Variants in TRAF3 observed in about 807,000 individuals in gnomAD.
TRAF3 encodes the protein TNF receptor associated factor 3.
TRAF3 carries 13 observed loss-of-function variants against 62.3 expected under a neutral mutation model. That is an observed-to-expected ratio of 0.21 (90% CI 0.14 to 0.33). The LOEUF (loss-of-function observed/expected upper bound fraction) is 0.33. TRAF3 is among the 10% of genes least tolerant of loss of function. TRAF3 has a pLI of 1.00. For synonymous variants in TRAF3, 269 were observed against 283.4 expected (o/e 0.95, Z 0.51); for missense variants, 440 against 741.8 (o/e 0.59, Z 4.73).
intron 2 of TRAF3, among the ~76,000 whole-genome samples, chr14:102,864,831 T>G (rs1019180124): frequency 2.6e-5 from 4 of 152,170 alleles, no homozygotes; most frequent in African/African-American, 9.7e-5. Flanking sequence ...TGGGGCAGAT[T>G]CGCCTCCGTG....
chr14:102,889,071 T>C (rs1889563864), intron 7 of TRAF3, among the ~76,000 whole-genome samples: 1 of 152,240 alleles, frequency 6.6e-6, no homozygotes, highest in Admixed American at 6.5e-5. Context: ...GAAAAACTCA[T>C]CTGCACTTAT....
chr14:102,800,055 C>T (rs1178214371), intron 1 of TRAF3, among the ~76,000 whole-genome samples: 1 of 152,284 alleles, frequency 6.6e-6, no homozygotes, highest in Non-Finnish European at 1.5e-5. Context: ...GGGCTGCCTT[C>T]TCAGAGCCCT....
At chr14:102,805,456 CG>C (rs1270061306) in intron 1 of TRAF3, among the ~76,000 whole-genome samples, 2 of 152,146 alleles carry the variant, frequency 1.3e-5, no homozygotes, top group Non-Finnish European at 2.9e-5. Context: ...TCACTGCCCT[CG>C]GTGAGTGGAT....
At chr14:102,866,452 C>T (rs1193986859) in intron 2 of TRAF3, among the ~76,000 whole-genome samples, 1 of 152,134 alleles carries the variant, frequency 6.6e-6, no homozygotes, top group African/African-American at 2.4e-5. Context: ...AGGGAAAAGA[C>T]ATCTGTAATA....
At chr14:102,788,162 A>G (rs1442982982) in intron 1 of TRAF3, among the ~76,000 whole-genome samples, 2 of 151,866 alleles carry the variant, frequency 1.3e-5, no homozygotes, top group South Asian at 2.1e-4. Context: ...GCCTGCAGAG[A>G]ATGTATTTCT....
rs376141594 is a variant in TRAF3 at position 102,905,262 on chromosome 14, C to T, written c.1185C>T (p.His395=). The change falls in exon 12 of 12, where the codon CAC becomes CAT. Residue 395 remains histidine (H), a synonymous_variant. Coordinates refer to ENST00000392745, the MANE Select transcript of TRAF3 (RefSeq NM_145725.3). ...LSRHDQMLSV[H]DIRLADMDLR... is the part of the protein sequence containing the mutation. Reference sequence around the variant, plus strand: ...GGCATGACCAGATGCTGAGTGTGCACGACATCCGCCTAGCCGACATGGACC... The same window carrying T: ...GGCATGACCAGATGCTGAGTGTGCATGACATCCGCCTAGCCGACATGGACC... 8.1e-6 allele frequency: 13 copies of T among 1,614,044 alleles called. No individual in the cohort carries two copies. The highest frequency in any genetic ancestry group is 7.7e-5 in the South Asian group (7 of 91,086).
intron 1 of TRAF3, among the ~76,000 whole-genome samples, chr14:102,808,847 A>G (rs1409203208): frequency 6.6e-6 from 1 of 151,422 alleles, no homozygotes; most frequent in African/African-American, 2.4e-5. Context: ...AGACAGTCTT[A>G]CGCTGTTGCC....
Position 102,870,340 on chromosome 14 carries a change from G to T in TRAF3, c.139G>T (p.Val47Leu). The change falls in exon 3 of 12, where the codon GTG becomes TTG. Residue 47 changes from valine to leucine, a missense_variant. Val to Leu is a conservative substitution (Grantham distance 32). Coordinates refer to ENST00000392745, the MANE Select transcript of TRAF3 (RefSeq NM_145725.3). ...GGYKEKFVKTVEDKYKCEKCH... is the reference protein window; with the variant it reads ...GGYKEKFVKTLEDKYKCEKCH... ...TTACAAGGAAAAGTTTGTGAAGACC[G>T]TGGAGGACAAGTACAAGTGTGAGAA... 1.2e-6 allele frequency: 2 copies of T among 1,614,210 alleles called. No individual in the cohort carries two copies. The highest frequency in any genetic ancestry group is 1.7e-6 in the Non-Finnish European group (2 of 1,180,036).
intron 7 of TRAF3, among the ~76,000 whole-genome samples, chr14:102,889,191 AT>A (rs1566799970): frequency 6.6e-6 from 1 of 152,008 alleles, no homozygotes; most frequent in African/African-American, 2.4e-5. Context: ...AATGCTTTCT[AT>A]TTTTTTGTGT....
intron 1 of TRAF3, among the ~76,000 whole-genome samples, chr14:102,814,765 C>T (rs1595316171): frequency 6.6e-6 from 1 of 152,160 alleles, no homozygotes; most frequent in African/African-American, 2.4e-5. Context: ...TCAAGCGGTC[C>T]ACCCACCTCA....
intron 1 of TRAF3, among the ~76,000 whole-genome samples, chr14:102,818,473 G>A (rs536534361): frequency 1.5e-3 from 232 of 152,306 alleles, no homozygotes; most frequent in African/African-American, 5.5e-3. Context: ...AGATCAGGTG[G>A]CTGAGGCCTG....
At chr14:102,803,926 A>G (rs1410744978) in intron 1 of TRAF3, among the ~76,000 whole-genome samples, 1 of 152,186 alleles carries the variant, frequency 6.6e-6, no homozygotes, top group East Asian at 1.9e-4. Context: ...GGCTGGATAT[A>G]GTGGCTGGCG....
intron 2 of TRAF3, among the ~76,000 whole-genome samples, chr14:102,866,570 G>A (rs989501156): frequency 2.6e-5 from 4 of 152,080 alleles, no homozygotes; most frequent in Admixed American, 6.6e-5. Context: ...ACCACCAGGC[G>A]CAGTGGTTCA....
intron 6 of TRAF3, among the ~76,000 whole-genome samples, chr14:102,879,363 C>T (rs1888909942): frequency 6.6e-6 from 1 of 152,150 alleles, no homozygotes; most frequent in Non-Finnish European, 1.5e-5. Flanking sequence ...GCCTCTTTCT[C>T]CCAGGTTCAA....
At chr14:102,851,930 C>T (rs551546744) in intron 2 of TRAF3, among the ~76,000 whole-genome samples, 56 of 152,028 alleles carry the variant, frequency 3.7e-4, no homozygotes, top group African/African-American at 1.3e-3. Context: ...TGGTGCATGC[C>T]TGTAGTCCCA....
intron 2 of TRAF3, among the ~76,000 whole-genome samples, chr14:102,857,139 A>G (rs1261159272): frequency 6.6e-6 from 1 of 152,236 alleles, no homozygotes; most frequent in African/African-American, 2.4e-5. Context: ...CGACTCCAGT[A>G]TGTGCCCAGA....
At chr14:102,898,376 G>GTT (rs1890107574) in intron 10 of TRAF3, among the ~76,000 whole-genome samples, 2 of 152,342 alleles carry the variant, frequency 1.3e-5, no homozygotes, top group South Asian at 4.1e-4. Context: ...AAAGTACAAT[G>GTT]TTTCTTAAAA....
intron 2 of TRAF3, among the ~76,000 whole-genome samples, chr14:102,869,167 A>G: frequency 6.6e-6 from 1 of 152,214 alleles, no homozygotes. Context: ...GTGGGTCCAC[A>G]ACGGGCCCAC....
chr14:102,791,388 T>C (rs906627213), intron 1 of TRAF3, among the ~76,000 whole-genome samples: 1 of 152,226 alleles, frequency 6.6e-6, no homozygotes, highest in African/African-American at 2.4e-5. Flanking sequence ...GTAGTGTTAG[T>C]GTACAAATCA....
Sources: allele counts gnomAD v4.1 joint callset (sites outside exome capture counted in the v4.1 genomes callset), GRCh38; gene constraint gnomAD v4.1.1; transcripts MANE v1.5; gene names NCBI Gene and HGNC (gene_info 2026-07-23, HGNC 2026-07-21).